TPD52L1: variants seen among roughly 807,000 people sequenced by gnomAD.
TPD52L1 encodes the protein tumor protein D53.
TPD52L1 carries 18 observed loss-of-function variants against 28.7 expected under a neutral mutation model. The ratio of observed to expected loss-of-function variants is 0.63; its 90% confidence interval spans 0.43 to 0.93. TPD52L1 has a LOEUF of 0.93. Among genes scored for constraint, TPD52L1 ranks in the 40% least tolerant of loss-of-function variants. TPD52L1 has a pLI of 0.00. For missense variants in TPD52L1, 203 were observed against 254.8 expected (o/e 0.80, Z 1.39); for synonymous variants, 75 against 88.8 (o/e 0.84, Z 0.88).
At chr6:125,200,682 A>T (rs957114291) in intron 1 of TPD52L1, among the ~76,000 whole-genome samples, 1 of 152,192 alleles carries the variant, frequency 6.6e-6, no homozygotes. Context: ...ATGGTGTTTT[A>T]TTCCTCCCCC....
At chr6:125,179,868 C>T (rs1792073721) in intron 1 of TPD52L1, among the ~76,000 whole-genome samples, 1 of 152,130 alleles carries the variant, frequency 6.6e-6, no homozygotes, top group African/African-American at 2.4e-5. Flanking sequence ...ATGCACTATA[C>T]CATTATTTGG....
chr6:125,175,490 G>A (rs1286624081), intron 1 of TPD52L1, among the ~76,000 whole-genome samples: 2 of 152,134 alleles, frequency 1.3e-5, no homozygotes, highest in Non-Finnish European at 2.9e-5. Context: ...AAGCTTAAGA[G>A]TCCAAGTGTG....
At chr6:125,164,634 C>G (rs756500320) in intron 1 of TPD52L1, among the ~76,000 whole-genome samples, 5 of 152,066 alleles carry the variant, frequency 3.3e-5, no homozygotes, top group Non-Finnish European at 7.4e-5. Flanking sequence ...CATTTTATTG[C>G]CTCATGAACA....
At chr6:125,214,486 G>A (rs145716635) in intron 1 of TPD52L1, 12 of 976,318 alleles carry the variant, frequency 1.2e-5, no homozygotes, top group African/African-American at 1.0e-4. Context: ...TATCTAAGGG[G>A]TATCTAAGGG....
intron 1 of TPD52L1, among the ~76,000 whole-genome samples, chr6:125,193,756 C>T (rs1335639484): frequency 1.3e-5 from 2 of 152,082 alleles, no homozygotes; most frequent in African/African-American, 4.8e-5. Context: ...CCTCCTCTCC[C>T]AATTCCAGCA....
At chr6:125,159,441 G>A (rs1790362755) in intron 1 of TPD52L1, among the ~76,000 whole-genome samples, 1 of 152,118 alleles carries the variant, frequency 6.6e-6, no homozygotes, top group African/African-American at 2.4e-5. Context: ...CTCCACTTCT[G>A]CTTCTTTTGC....
At chr6:125,157,831 T>A (rs1790237304) in intron 1 of TPD52L1, among the ~76,000 whole-genome samples, 2 of 152,212 alleles carry the variant, frequency 1.3e-5, no homozygotes. Flanking sequence ...TACCACAAAC[T>A]TCGTGGCCTA....
At chr6:125,227,634 G>T (rs974312899) in intron 2 of TPD52L1, among the ~76,000 whole-genome samples, 2 of 152,132 alleles carry the variant, frequency 1.3e-5, no homozygotes, top group African/African-American at 4.8e-5. Context: ...GGCTTAACAA[G>T]GAAAAGTCAC....
chr6:125,210,379 A>T (rs1426393443), intron 1 of TPD52L1, among the ~76,000 whole-genome samples: 1 of 152,232 alleles, frequency 6.6e-6, no homozygotes, highest in Non-Finnish European at 1.5e-5. Context: ...CCAACAGAGG[A>T]ATCCAGAGAA....
At chr6:125,221,209 C>T (rs189878500) in intron 2 of TPD52L1, among the ~76,000 whole-genome samples, 3 of 152,330 alleles carry the variant, frequency 2.0e-5, no homozygotes, top group East Asian at 1.9e-4. Flanking sequence ...AAGAGCAGCA[C>T]GTTCCTCTGG....
intron 1 of TPD52L1, among the ~76,000 whole-genome samples, chr6:125,183,861 C>T (rs774323699): frequency 2.6e-5 from 4 of 151,952 alleles, no homozygotes. Context: ...GGAATGTATA[C>T]GATATGAGCT....
intron 1 of TPD52L1, among the ~76,000 whole-genome samples, chr6:125,202,383 T>A (rs1793848402): frequency 6.6e-6 from 1 of 152,182 alleles, no homozygotes; most frequent in Admixed American, 6.5e-5. Context: ...ATGGAATGTA[T>A]CCTGTCCAGT....
chr6:125,208,449 G>A (rs1351593811), intron 1 of TPD52L1, among the ~76,000 whole-genome samples: 1 of 152,164 alleles, frequency 6.6e-6, no homozygotes, highest in Non-Finnish European at 1.5e-5. Context: ...CTATAAGAAG[G>A]ATGGATAGTT....
At chr6:125,193,559 CA>C (rs1360808556) in intron 1 of TPD52L1, among the ~76,000 whole-genome samples, 1 of 152,098 alleles carries the variant, frequency 6.6e-6, no homozygotes, top group African/African-American at 2.4e-5. Context: ...CACAGGCCAC[CA>C]CACTGCTGTG....
chr6:125,207,885 A>G (rs1054250809), intron 1 of TPD52L1, among the ~76,000 whole-genome samples: 1 of 152,202 alleles, frequency 6.6e-6, no homozygotes, highest in African/African-American at 2.4e-5. Flanking sequence ...ATAGTGCTTG[A>G]TGCCACCTGC....
At chr6:125,183,345 G>C (rs1029977840) in intron 1 of TPD52L1, among the ~76,000 whole-genome samples, 1 of 152,168 alleles carries the variant, frequency 6.6e-6, no homozygotes, top group South Asian at 2.1e-4. Flanking sequence ...TGGACATAGT[G>C]GTGTGTGCCT....
intron 2 of TPD52L1, 21 bp downstream of exon 2, chr6:125,220,214 G>T (rs1795145116): frequency 6.8e-7 from 1 of 1,473,194 alleles, no homozygotes; most frequent in Admixed American, 1.7e-5. Flanking sequence ...TAATCTTATT[G>T]TTGCTATTTC....
At chr6:125,234,341 C>T (rs1287452290) in intron 3 of TPD52L1, 3 of 152,350 alleles carry the variant, frequency 2.0e-5, no homozygotes. Context: ...TTTCTCTTCA[C>T]TCACCTGAAA....
In TPD52L1 at chr6:125,220,517, C is replaced by T. The variant is rs187463286; in HGVS notation, c.135+324C>T. Among the ~76,000 whole-genome samples, 12 of 152,312 alleles carry T rather than the reference C, an allele frequency of 7.9e-5. 1 individual carries two copies. In the East Asian group the frequency reaches 1.7e-3, roughly 22 times the overall value. On this transcript the variant is annotated intron_variant, in intron 2 of 6. Coordinates refer to ENST00000534000, the MANE Select transcript of TPD52L1 (RefSeq NM_003287.4). ...AATTACTTACAAACCTGATAGAATT[C>T]ATTCCAGACCATGTTATAGGTGCAA...
Sources: allele counts gnomAD v4.1 joint callset (sites outside exome capture counted in the v4.1 genomes callset), GRCh38; gene constraint gnomAD v4.1.1; transcripts MANE v1.5; gene names NCBI Gene and HGNC (gene_info 2026-07-23, HGNC 2026-07-21).